The following CCDC171 variants were observed in gnomAD, a reference collection of about 807,000 sequenced individuals.
CCDC171 encodes the protein coiled-coil domain containing 171, also known as coiled-coil domain-containing protein 171.
CCDC171 carries 177 observed loss-of-function variants against 168.2 expected under a neutral mutation model. That is an observed-to-expected ratio of 1.05 (90% CI 0.93 to 1.19). The LOEUF (loss-of-function observed/expected upper bound fraction) is 1.19. Among genes scored for constraint, CCDC171 ranks in the 50% most tolerant of loss-of-function variants. The probability of loss-of-function intolerance (pLI) is 0.00; values close to 1 mark genes in which losing one functional copy is unlikely to be tolerated. For missense variants in CCDC171, 1,991 were observed against 1,539.0 expected, an observed-to-expected ratio of 1.29 and a Z score of -4.91; for synonymous variants, 687 against 540.8, an observed-to-expected ratio of 1.27 and a Z score of -3.75.
chr9:15,583,960 C>T lies in CCDC171; in HGVS notation c.352+4937C>T, dbSNP rs563198932. 5.0e-3 allele frequency among the ~76,000 whole-genome samples: 763 copies of T among 152,216 alleles called. 6 individuals are homozygous for T. The highest frequency in any genetic ancestry group is 0.018 in the African/African-American group (744 of 41,524). ...TCGGCTCACTGCAACCACCGCCTCCCGGGTTCAAGCAATTCTCTGCCTCAG... is the reference window on the plus strand; with the variant it reads ...TCGGCTCACTGCAACCACCGCCTCCTGGGTTCAAGCAATTCTCTGCCTCAG... On this transcript the variant is annotated intron_variant, in intron 4 of 25. Coordinates refer to ENST00000380701, the MANE Select transcript of CCDC171 (RefSeq NM_173550.4).
intron 6 of CCDC171, among the ~76,000 whole-genome samples, chr9:16,026,540 G>C (rs901020139): frequency 2.0e-5 from 3 of 151,976 alleles, no homozygotes; most frequent in Non-Finnish European, 4.4e-5. Context: ...ACCTATTCTT[G>C]GACCTTGATC....
At chr9:15,776,777 A>T (rs915359608) in intron 18 of CCDC171, among the ~76,000 whole-genome samples, 1 of 152,198 alleles carries the variant, frequency 6.6e-6, no homozygotes, top group Non-Finnish European at 1.5e-5. Context: ...GACTAGCTGA[A>T]TTTGCTTTTT....
intron 16 of CCDC171, among the ~76,000 whole-genome samples, chr9:15,742,283 C>T (rs1283837605): frequency 6.6e-6 from 1 of 152,202 alleles, no homozygotes; most frequent in South Asian, 2.1e-4. Context: ...TCATACCTCT[C>T]TAGATAAAGT....
the CCDC171 span, among the ~76,000 whole-genome samples, chr9:16,100,666 T>C: frequency 1.3e-5 from 2 of 152,194 alleles, no homozygotes; most frequent in African/African-American, 4.8e-5. Flanking sequence ...AATGTAACAC[T>C]GGGCTGGCCA....
chr9:15,867,556 A>G (rs2061842890), intron 23 of CCDC171, among the ~76,000 whole-genome samples: 1 of 152,022 alleles, frequency 6.6e-6, no homozygotes, highest in Non-Finnish European at 1.5e-5. Flanking sequence ...TGGCTTGCTG[A>G]TGACAACTCT....
intron 1 of CCDC171, among the ~76,000 whole-genome samples, chr9:16,052,630 G>T (rs1354054792): frequency 6.6e-6 from 1 of 152,138 alleles, no homozygotes; most frequent in African/African-American, 2.4e-5. Flanking sequence ...ATTCTTAAGA[G>T]TTAATCATGG....
At chr9:15,927,591 G>C (rs1184890075) in intron 25 of CCDC171, among the ~76,000 whole-genome samples, 1 of 151,620 alleles carries the variant, frequency 6.6e-6, no homozygotes, top group African/African-American at 2.4e-5. Flanking sequence ...CAATGCAGAG[G>C]ACCATTCCAT....
At chr9:16,028,944 G>A (rs1394662237) in intron 6 of CCDC171, among the ~76,000 whole-genome samples, 2 of 152,178 alleles carry the variant, frequency 1.3e-5, no homozygotes, top group East Asian at 1.9e-4. Flanking sequence ...TAGTCTGACA[G>A]CTCTCCAGCC....
At chr9:15,838,869 C>T (rs1429548593) in intron 21 of CCDC171, among the ~76,000 whole-genome samples, 1 of 152,110 alleles carries the variant, frequency 6.6e-6, no homozygotes, top group Non-Finnish European at 1.5e-5. Flanking sequence ...TCTTGATATA[C>T]TGTTGTGATA....
At chr9:16,032,404 T>C (rs1415894142) in intron 6 of CCDC171, among the ~76,000 whole-genome samples, 2 of 152,154 alleles carry the variant, frequency 1.3e-5, no homozygotes, top group East Asian at 3.9e-4. Flanking sequence ...TGTGGAGGAC[T>C]GGCAGGGAGG....
chr9:16,067,763 A>G, the CCDC171 span, among the ~76,000 whole-genome samples: 1 of 152,198 alleles, frequency 6.6e-6, no homozygotes, highest in Non-Finnish European at 1.5e-5. Flanking sequence ...GTCAAAGATC[A>G]GATAGTTGTA....
intron 23 of CCDC171, among the ~76,000 whole-genome samples, chr9:15,872,506 C>T (rs979844152): frequency 3.3e-5 from 5 of 151,976 alleles, no homozygotes; most frequent in African/African-American, 1.2e-4. Context: ...TTTTTCCCCT[C>T]TCTTTGCCCG....
At chr9:15,966,295 G>A (rs1830778900) in intron 25 of CCDC171, among the ~76,000 whole-genome samples, 1 of 152,184 alleles carries the variant, frequency 6.6e-6, no homozygotes, top group Non-Finnish European at 1.5e-5. Flanking sequence ...CCAACAAAGA[G>A]CAGAATTGGA....
chr9:15,800,098 A>G (rs781569864), intron 21 of CCDC171, among the ~76,000 whole-genome samples: 14 of 152,098 alleles, frequency 9.2e-5, no homozygotes, highest in Admixed American at 2.0e-4. Context: ...TATCTCTTCA[A>G]TATACCAATT....
chr9:15,692,173 C>T (rs529771545), intron 10 of CCDC171, among the ~76,000 whole-genome samples: 2 of 152,070 alleles, frequency 1.3e-5, no homozygotes, highest in East Asian at 1.9e-4. Flanking sequence ...GCCAGGAGTT[C>T]GAGACCAGCT....
At chr9:15,556,527 A>G (rs914380245) in intron 1 of CCDC171, among the ~76,000 whole-genome samples, 1 of 152,180 alleles carries the variant, frequency 6.6e-6, no homozygotes, top group Non-Finnish European at 1.5e-5. Context: ...TGTTGGCTGC[A>G]TAAATATATT....
At chr9:15,731,973 T>C (rs1372198376) in intron 16 of CCDC171, among the ~76,000 whole-genome samples, 1 of 152,110 alleles carries the variant, frequency 6.6e-6, no homozygotes, top group East Asian at 1.9e-4. Context: ...CATATACTTA[T>C]TGGCTATTCA....
At chr9:16,045,270 G>T (rs1363049920) in intron 1 of CCDC171, among the ~76,000 whole-genome samples, 1 of 152,162 alleles carries the variant, frequency 6.6e-6, no homozygotes, top group Non-Finnish European at 1.5e-5. Context: ...ACAGGGAAGG[G>T]AAGGAGGCCA....
At chr9:15,807,456 G>A (rs953442738) in intron 21 of CCDC171, among the ~76,000 whole-genome samples, 2 of 152,164 alleles carry the variant, frequency 1.3e-5, no homozygotes, top group Non-Finnish European at 2.9e-5. Flanking sequence ...TAAGGACGGG[G>A]ATAGAATAAC....
Sources: allele counts gnomAD v4.1 joint callset (sites outside exome capture counted in the v4.1 genomes callset), GRCh38; gene constraint gnomAD v4.1.1; transcripts MANE v1.5; gene names NCBI Gene and HGNC (gene_info 2026-07-23, HGNC 2026-07-21).